CCDC171: variants seen among roughly 807,000 people sequenced by gnomAD.
CCDC171 encodes the protein coiled-coil domain containing 171, also known as coiled-coil domain-containing protein 171.
In CCDC171, 177 loss-of-function variants were observed where a neutral mutation model predicts 168.2. The ratio of observed to expected loss-of-function variants is 1.05; its 90% CI spans 0.93 to 1.19. CCDC171 has a LOEUF of 1.19. CCDC171 is among the 50% of genes most tolerant of loss of function. The pLI is 0.00. For synonymous variants in CCDC171, 687 were observed against 540.8 expected (o/e 1.27, Z -3.75); for missense variants, 1,991 against 1,539.0 (o/e 1.29, Z -4.91).
intron 21 of CCDC171, among the ~76,000 whole-genome samples, chr9:15,796,494 A>G (rs1428003367): frequency 6.6e-6 from 1 of 152,236 alleles, no homozygotes; most frequent in Non-Finnish European, 1.5e-5. Flanking sequence ...TTAGATCCTA[A>G]GAGTAATGAC....
At chr9:15,586,449 C>T (rs1302065669) in intron 4 of CCDC171, among the ~76,000 whole-genome samples, 9 of 152,086 alleles carry the variant, frequency 5.9e-5, no homozygotes, top group African/African-American at 2.2e-4. Context: ...TGAGGAATAA[C>T]TGAGTTAGAG....
At chr9:16,093,698 G>A in the CCDC171 span, among the ~76,000 whole-genome samples, 146 of 152,284 alleles carry the variant, frequency 9.6e-4, no homozygotes, top group African/African-American at 3.0e-3. Context: ...GTTCTTAAGA[G>A]TGAGAAAGAA....
In CCDC171 at chr9:15,858,265, G is replaced by A. The variant is rs192373379; in HGVS notation, c.3468+9318G>A. Among the ~76,000 whole-genome samples the A allele has an allele frequency of 4.0e-5, 6 of 151,722 alleles. No individual in the cohort carries two copies. The East Asian group carries it at 5.9e-4, about 15-fold the overall frequency. On this transcript the variant is annotated intron_variant, in intron 23 of 25. Coordinates refer to ENST00000380701, the MANE Select transcript of CCDC171 (RefSeq NM_173550.4). ...AAACTCCTGAGCACAGGTGATCCAC[G>A]TCCTTGGCCTCCCAAAGTGCTGGGA...
chr9:15,953,090 T>A (rs918519418), intron 25 of CCDC171, among the ~76,000 whole-genome samples: 1 of 152,188 alleles, frequency 6.6e-6, no homozygotes. Flanking sequence ...GTGGAATCTT[T>A]AGGGTTTTCT....
At chr9:16,017,490 A>T (rs2987098) in intron 3 of CCDC171, among the ~76,000 whole-genome samples, 96,354 of 151,916 alleles carry the variant, frequency 0.63, 30,899 homozygotes, top group East Asian at 0.77. Context: ...TACAACTTTT[A>T]AAATATATTT....
Position 15,591,363 on chromosome 9 carries a change from T to C in CCDC171, c.353-3T>C. ...AATGTACCTATTATTCTATTCTTAA[T>C]AGCACAGAATTCAGAACTTCAAGCA... On this transcript the variant is annotated splice_region_variant and splice_polypyrimidine_tract_variant and intron_variant, in intron 4 of 25. Transcript: ENST00000380701. 6.4e-7 allele frequency: 1 copy of C among 1,564,094 alleles called. No homozygotes were observed. Among genetic ancestry groups the C allele is most frequent in the Non-Finnish European group, 8.7e-7 (1 of 1,147,016 alleles).
intron 21 of CCDC171, among the ~76,000 whole-genome samples, chr9:15,791,040 A>G (rs566524833): frequency 8.5e-5 from 13 of 152,268 alleles, no homozygotes; most frequent in African/African-American, 2.9e-4. Context: ...TGATGCCTCC[A>G]GCTTTGTTCT....
At chr9:15,768,864 C>A (rs76345226) in intron 18 of CCDC171, among the ~76,000 whole-genome samples, 72 of 152,254 alleles carry the variant, frequency 4.7e-4, no homozygotes, top group African/African-American at 1.6e-3. Context: ...CACCTATCTT[C>A]ATCCGCAGTA....
At chr9:15,936,866 T>C (rs1458225826) in intron 25 of CCDC171, among the ~76,000 whole-genome samples, 1 of 152,050 alleles carries the variant, frequency 6.6e-6, no homozygotes, top group African/African-American at 2.4e-5. Context: ...TTTAAAACTC[T>C]GTACCACTAA....
intron 25 of CCDC171, among the ~76,000 whole-genome samples, chr9:15,966,095 T>A (rs1444573834): frequency 6.6e-6 from 1 of 152,186 alleles, no homozygotes; most frequent in Non-Finnish European, 1.5e-5. Flanking sequence ...TAAGTGCTCA[T>A]AGTTTTATAG....
chr9:15,609,067 A>G (rs1223058972), intron 6 of CCDC171, among the ~76,000 whole-genome samples: 1 of 146,718 alleles, frequency 6.8e-6, no homozygotes, highest in East Asian at 2.2e-4. Context: ...AGAGACAGAG[A>G]GGCAATTTAC....
At chr9:15,591,980 CATG>C (rs940427066) in intron 5 of CCDC171, among the ~76,000 whole-genome samples, 9 of 151,940 alleles carry the variant, frequency 5.9e-5, no homozygotes, top group African/African-American at 2.2e-4. Context: ...TTTGTATAAA[CATG>C]ATATGTAACA....
chr9:15,959,743 A>C (rs918107866), intron 25 of CCDC171, among the ~76,000 whole-genome samples: 81 of 152,130 alleles, frequency 5.3e-4, no homozygotes, highest in African/African-American at 1.8e-3. Context: ...CACCCAGAGA[A>C]GGAGATGTGA....
chr9:15,931,456 CTTTTTTTTT>C (rs57124025), intron 25 of CCDC171, among the ~76,000 whole-genome samples: 1 of 44,992 alleles, frequency 2.2e-5, no homozygotes, highest in Non-Finnish European at 4.3e-5. Flanking sequence ...TTCTTTCTTT[CTTTTTTTTT>C]TTTTTTTTTT....
At chr9:16,080,152 C>A in the CCDC171 span, among the ~76,000 whole-genome samples, 3 of 152,320 alleles carry the variant, frequency 2.0e-5, no homozygotes, top group East Asian at 5.8e-4. Flanking sequence ...CCTTTACCCT[C>A]TCAGGCACTC....
At chr9:15,837,115 T>TA (rs2060485226) in intron 21 of CCDC171, among the ~76,000 whole-genome samples, 1 of 152,194 alleles carries the variant, frequency 6.6e-6, no homozygotes, top group Non-Finnish European at 1.5e-5. Flanking sequence ...AGAGGTTTTT[T>TA]AAGTATAAAA....
At chr9:16,057,926 C>G (rs1466166829) in intron 1 of CCDC171, among the ~76,000 whole-genome samples, 1 of 151,958 alleles carries the variant, frequency 6.6e-6, no homozygotes, top group Admixed American at 6.6e-5. Flanking sequence ...GAGCAGCAGG[C>G]AGCAGTGCAA....
chr9:15,799,753 G>A lies in CCDC171; in HGVS notation c.3267+15059G>A, dbSNP rs142032975. Among the ~76,000 whole-genome samples, 10 of 151,486 alleles carry A rather than the reference G, an allele frequency of 6.6e-5. No individual in the cohort carries two copies. In the East Asian group the frequency reaches 1.4e-3, roughly 21 times the overall value. On this transcript the variant is annotated intron_variant, in intron 21 of 25. Transcript: ENST00000380701. Reference sequence around the variant, plus strand: ...TTTTTTTGCACCCATTAACCATCCCGACCTTCCCACACATTCCCCACTACT... The same window carrying A: ...TTTTTTTGCACCCATTAACCATCCCAACCTTCCCACACATTCCCCACTACT...
chr9:15,771,661 G>GT, intron 18 of CCDC171, among the ~76,000 whole-genome samples: 1 of 151,968 alleles, frequency 6.6e-6, no homozygotes, highest in East Asian at 1.9e-4. Flanking sequence ...ATTTATTTCT[G>GT]TTTTTTGTTA....
Sources: allele counts gnomAD v4.1 joint callset (sites outside exome capture counted in the v4.1 genomes callset), GRCh38; gene constraint gnomAD v4.1.1; transcripts MANE v1.5; gene names NCBI Gene and HGNC (gene_info 2026-07-23, HGNC 2026-07-21).